PPARGC1A: variants seen among roughly 807,000 people sequenced by gnomAD.
The protein encoded by PPARGC1A is PPARG coactivator 1 alpha.
In PPARGC1A, 25 loss-of-function variants were observed where a neutral mutation model predicts 88.7. The observed-to-expected ratio is 0.28, with a 90% CI of 0.21 to 0.39. The LOEUF is 0.39. Ranked by LOEUF, PPARGC1A falls within the 10% of genes least tolerant of loss-of-function variation. The pLI, the probability that PPARGC1A is intolerant of heterozygous loss-of-function variation, is 1.00. For missense variants in PPARGC1A, 880 were observed against 968.7 expected, an observed-to-expected ratio of 0.91 and a Z score of 1.22; for synonymous variants, 363 against 355.6, an observed-to-expected ratio of 1.02 and a Z score of -0.24.
chr4:24,218,179 A>G, the PPARGC1A span, among the ~76,000 whole-genome samples: 1 of 152,316 alleles, frequency 6.6e-6, no homozygotes, highest in Non-Finnish European at 1.5e-5. Flanking sequence ...AAATATTGCT[A>G]GGGTGCAAAG....
chr4:23,914,729 G>A, the PPARGC1A span, among the ~76,000 whole-genome samples: 17 of 152,180 alleles, frequency 1.1e-4, no homozygotes, highest in African/African-American at 2.4e-4. Context: ...CAGTCAGTGC[G>A]GCCTGAACCT....
chr4:24,461,318 C>G, the PPARGC1A span, among the ~76,000 whole-genome samples: 2 of 152,214 alleles, frequency 1.3e-5, no homozygotes, highest in Non-Finnish European at 2.9e-5. Context: ...GGAGTTCCTA[C>G]TTCTAAATTT....
chr4:23,982,293 C>G, the PPARGC1A span, among the ~76,000 whole-genome samples: 310 of 152,314 alleles, frequency 2.0e-3, no homozygotes, highest in African/African-American at 7.1e-3. Context: ...GAAATGCTGT[C>G]CATTCCAGGT....
the PPARGC1A span, among the ~76,000 whole-genome samples, chr4:24,230,500 G>C: frequency 2.0e-5 from 3 of 152,108 alleles, no homozygotes; most frequent in Non-Finnish European, 4.4e-5. Context: ...GTTCCTGATG[G>C]GGCAGTGAAC....
At chr4:23,845,604 A>C (rs1728178723) in intron 2 of PPARGC1A, among the ~76,000 whole-genome samples, 1 of 152,132 alleles carries the variant, frequency 6.6e-6, no homozygotes, top group Non-Finnish European at 1.5e-5. Flanking sequence ...GCTCCATGTT[A>C]ATCCTCTGAG....
chr4:23,855,498 C>T (rs1451955615), intron 2 of PPARGC1A, among the ~76,000 whole-genome samples: 1 of 152,168 alleles, frequency 6.6e-6, no homozygotes, highest in Non-Finnish European at 1.5e-5. Context: ...CTACTATGCT[C>T]GATGCTTCTA....
Position 23,793,467 on chromosome 4 carries a change from A to G in PPARGC1A, c.*2355T>C, listed in dbSNP as rs1716997771. Reference sequence around the variant, plus strand: ...TCAGAACACAATATGCTGGTGATAAATGAATGCAGCTATCAAAATTAGCTG... The same window carrying G: ...TCAGAACACAATATGCTGGTGATAAGTGAATGCAGCTATCAAAATTAGCTG... On this transcript the variant is annotated 3_prime_UTR_variant, in exon 13 of 13. Transcript: ENST00000264867. The G allele has an allele frequency of 6.6e-6, 1 of 152,518 alleles. No individual in the cohort carries two copies. Among genetic ancestry groups the G allele is most frequent in the South Asian group, 2.1e-4 (1 of 4,830 alleles). The allele number at this position is 152,518 out of a possible 1,614,324, so 9.4% of individuals were successfully genotyped here.
the PPARGC1A span, among the ~76,000 whole-genome samples, chr4:23,925,836 AAG>A: frequency 0.32 from 48,597 of 151,608 alleles, 8,113 homozygotes; most frequent in Non-Finnish European, 0.38. Flanking sequence ...TAATACTAGA[AAG>A]AGAGAGAGAG....
intron 4 of PPARGC1A, 71 bp downstream of exon 4, chr4:23,829,392 T>C: frequency 6.6e-7 from 1 of 1,523,668 alleles, no homozygotes; most frequent in Non-Finnish European, 9.1e-7. Context: ...CCTACAAACT[T>C]ATTTGTTTTA....
chr4:23,944,069 A>C, the PPARGC1A span, among the ~76,000 whole-genome samples: 1 of 152,170 alleles, frequency 6.6e-6, no homozygotes, highest in Non-Finnish European at 1.5e-5. Flanking sequence ...ATTATAGAAA[A>C]ACTAAGGAAA....
chr4:23,823,056 G>T (rs1261399255), intron 7 of PPARGC1A, among the ~76,000 whole-genome samples: 1 of 151,842 alleles, frequency 6.6e-6, no homozygotes, highest in Non-Finnish European at 1.5e-5. Flanking sequence ...ACTGGTGATT[G>T]AAATTATGTA....
intron 2 of PPARGC1A, among the ~76,000 whole-genome samples, chr4:23,863,412 C>T (rs1417424074): frequency 6.6e-6 from 1 of 152,182 alleles, no homozygotes; most frequent in Admixed American, 6.5e-5. Context: ...GCCTGGGCCT[C>T]AGTTTCTCCA....
At chr4:23,877,398 C>T (rs1361406082) in intron 2 of PPARGC1A, among the ~76,000 whole-genome samples, 2 of 142,014 alleles carry the variant, frequency 1.4e-5, no homozygotes, top group Non-Finnish European at 1.5e-5. Context: ...ATTAGTTGGG[C>T]GTTGTAGCAG....
chr4:23,862,913 T>C (rs1731487196), intron 2 of PPARGC1A, among the ~76,000 whole-genome samples: 2 of 152,214 alleles, frequency 1.3e-5, no homozygotes, highest in Non-Finnish European at 2.9e-5. Context: ...CGTCGCATAT[T>C]GTTCATGGAC....
the PPARGC1A span, among the ~76,000 whole-genome samples, chr4:24,291,442 T>C: frequency 7.4e-6 from 1 of 134,696 alleles, no homozygotes; most frequent in Non-Finnish European, 1.5e-5. Flanking sequence ...CAATGAATCA[T>C]AGCTCATGGC....
At chr4:24,187,285 T>A in the PPARGC1A span, among the ~76,000 whole-genome samples, 2 of 152,206 alleles carry the variant, frequency 1.3e-5, 1 homozygote, top group Non-Finnish European at 2.9e-5. Context: ...TTATTTATCA[T>A]AGCCATCAGA....
Position 23,871,126 on chromosome 4 carries a change from TTTGTAACCTCCA to T in PPARGC1A, c.234+13614_234+13625del, listed in dbSNP as rs1384833761. 3.3e-5 allele frequency among the ~76,000 whole-genome samples: 5 copies of T among 152,120 alleles called. No homozygotes were observed. The South Asian group carries it at 1.0e-3, about 32-fold the overall frequency. On this transcript the variant is annotated intron_variant, in intron 2 of 12. Transcript: ENST00000264867. ...GTTATCTGCCAAGACCAGGCAACAT[TTTGTAACCTCCA>T]AATGTATCGAAACACAGAACATTTG...
the PPARGC1A span, among the ~76,000 whole-genome samples, chr4:24,061,600 A>G: frequency 2.0e-5 from 3 of 152,234 alleles, no homozygotes; most frequent in African/African-American, 7.2e-5. Flanking sequence ...TACACTAAGC[A>G]ATAGAACTAT....
Position 23,828,460 on chromosome 4 carries a change from T to C in PPARGC1A, c.697A>G (p.Arg233Gly), listed in dbSNP as rs1724393738. The part of the protein sequence containing the change: ...TKPTENRNSS[R>G]DKCTSKKKSH... ...TTCTTTTTGGAGGTGCATTTGTCTCTGCTGCTGTTTCTGTTCTCTGTGGGT... is the reference window on the plus strand; with the variant it reads ...TTCTTTTTGGAGGTGCATTTGTCTCCGCTGCTGTTTCTGTTCTCTGTGGGT... Residue 233 changes from arginine (R) to glycine (G), a missense_variant, in exon 5 of 13, where the codon AGA becomes GGA. Transcript: ENST00000264867. 1 of 1,614,152 alleles carries C rather than the reference T, an allele frequency of 6.2e-7. No individual in the cohort carries two copies. Among genetic ancestry groups the C allele is most frequent in the East Asian group, 2.2e-5 (1 of 44,890 alleles).
Sources: gnomAD v4.1 joint callset for allele counts (sites outside exome capture counted in the v4.1 genomes callset) on GRCh38, gnomAD v4.1.1 for gene constraint, MANE v1.5 for transcripts, NCBI Gene and HGNC (gene_info 2026-07-23, HGNC 2026-07-21) for gene names.